Variants in MTHFD1 observed in about 807,000 individuals in gnomAD.
MTHFD1 encodes C-1-tetrahydrofolate synthase, cytoplasmic.
A neutral mutation model predicts 110.3 loss-of-function variants in MTHFD1; 44 were observed. The ratio of observed to expected loss-of-function variants is 0.40; its 90% CI spans 0.31 to 0.51. The LOEUF (loss-of-function observed/expected upper bound fraction) is 0.51. Ranked by LOEUF, MTHFD1 falls within the 20% of genes least tolerant of loss-of-function variation. MTHFD1 has a pLI of 0.60. For synonymous variants in MTHFD1, 402 were observed against 428.8 expected, an observed-to-expected ratio of 0.94 and a Z score of 0.77; for missense variants, 909 against 1,173.1, an observed-to-expected ratio of 0.77 and a Z score of 3.29.
intron 11 of MTHFD1, among the ~76,000 whole-genome samples, chr14:64,426,671 A>G (rs928084987): frequency 2.6e-5 from 4 of 151,348 alleles, no homozygotes; most frequent in Admixed American, 6.6e-5. Context: ...GTGTTTCACT[A>G]TGTTGGCCAG....
At chr14:64,422,292 T>C (rs977404926) in intron 8 of MTHFD1, among the ~76,000 whole-genome samples, 4 of 152,134 alleles carry the variant, frequency 2.6e-5, no homozygotes, top group African/African-American at 9.6e-5. Flanking sequence ...AAGACTGATA[T>C]TTGCAAATGT....
rs534294478 is a variant in MTHFD1 at position 64,453,527 on chromosome 14, C to T, written c.2458-227C>T. Among the ~76,000 whole-genome samples the T allele has an allele frequency of 4.6e-5, 7 of 152,180 alleles. No homozygotes were observed. In the East Asian group the frequency reaches 5.8e-4, roughly 13 times the overall value. ...CAGGGGTTACAGTGAACTGAGATCG[C>T]GCCATTGCACTCCAGCCTGGCAACA... On this transcript the variant is annotated intron_variant, in intron 24 of 27. Coordinates refer to ENST00000652337, the MANE Select transcript of MTHFD1 (RefSeq NM_005956.4).
intron 12 of MTHFD1, among the ~76,000 whole-genome samples, chr14:64,429,272 G>GTATATATATATATATAT (rs2078141156): frequency 1.4e-4 from 6 of 41,594 alleles, no homozygotes; most frequent in Non-Finnish European, 3.2e-4. Context: ...ATATATATCT[G>GTATATATATATATATAT]ATTTACATTT....
At position 64,409,090 on chromosome 14, in the gene MTHFD1, G is replaced by C. The variant is rs567646021; in HGVS notation, c.127-2000G>C. 1.4e-4 allele frequency among the ~76,000 whole-genome samples: 22 copies of C among 152,156 alleles called. 1 individual carries two copies. The highest frequency in any genetic ancestry group is 5.8e-4 in the East Asian group (3 of 5,188). Reference sequence around the variant, plus strand: ...CTTTCTGGAACTGGTTGTAGTTTTAGTGTTTTAGACAAACTCCTTCAGAAA... The same window carrying C: ...CTTTCTGGAACTGGTTGTAGTTTTACTGTTTTAGACAAACTCCTTCAGAAA... On this transcript the variant is annotated intron_variant, in intron 2 of 27. Coordinates refer to ENST00000652337, the MANE Select transcript of MTHFD1 (RefSeq NM_005956.4).
At chr14:64,391,248 T>C (rs1382520970) in intron 1 of MTHFD1, among the ~76,000 whole-genome samples, 1 of 152,170 alleles carries the variant, frequency 6.6e-6, no homozygotes, top group East Asian at 1.9e-4. Flanking sequence ...CACTGTAACC[T>C]CCACTTCCTG....
intron 3 of MTHFD1, among the ~76,000 whole-genome samples, chr14:64,411,441 C>G (rs1306232163): frequency 6.6e-6 from 1 of 152,088 alleles, no homozygotes; most frequent in Non-Finnish European, 1.5e-5. Flanking sequence ...AAGGACACAC[C>G]TGGGAGACAG....
chr14:64,445,303 A>G (rs1208640879), intron 22 of MTHFD1, among the ~76,000 whole-genome samples: 1 of 152,178 alleles, frequency 6.6e-6, no homozygotes, highest in African/African-American at 2.4e-5. Context: ...ATTTAAATCC[A>G]TATTAACGGG....
At chr14:64,444,835 G>T in intron 22 of MTHFD1, 101 bp downstream of exon 22, 1 of 1,330,308 alleles carries the variant, frequency 7.5e-7, no homozygotes, top group Non-Finnish European at 1.1e-6. Flanking sequence ...TTATTGCTGT[G>T]ACCCAGGGTG....
At chr14:64,427,502 G>A (rs770893166) in intron 12 of MTHFD1, 29 bp downstream of exon 12, 2 of 1,613,124 alleles carry the variant, frequency 1.2e-6, no homozygotes, top group South Asian at 1.1e-5. Flanking sequence ...CATGGGTGGT[G>A]ACAGGGGACC....
At chr14:64,421,776 A>G (rs1487973849) in intron 8 of MTHFD1, among the ~76,000 whole-genome samples, 3 of 151,956 alleles carry the variant, frequency 2.0e-5, no homozygotes, top group Non-Finnish European at 4.4e-5. Context: ...GGCGCCCGCC[A>G]CCACGCCCGG....
chr14:64,397,141 ATAT>A (rs2077859212), intron 1 of MTHFD1, among the ~76,000 whole-genome samples: 1 of 1,686 alleles, frequency 5.9e-4, no homozygotes, highest in Non-Finnish European at 1.7e-3. Context: ...AAAAAAAAAT[ATAT>A]ATATATATAT....
chr14:64,438,618 CTA>C (rs1438971983), intron 16 of MTHFD1, among the ~76,000 whole-genome samples: 1 of 152,124 alleles, frequency 6.6e-6, no homozygotes, highest in East Asian at 1.9e-4. Flanking sequence ...GCTAAGTGTG[CTA>C]TGTTTCCTAA....
chr14:64,401,078 C>T (rs1303282188), intron 2 of MTHFD1, among the ~76,000 whole-genome samples: 2 of 152,022 alleles, frequency 1.3e-5, no homozygotes, highest in African/African-American at 2.4e-5. Context: ...TCTGTGGATA[C>T]CCTTTCTCTA....
intron 2 of MTHFD1, among the ~76,000 whole-genome samples, chr14:64,408,510 A>AAC (rs1251344427): frequency 6.6e-6 from 1 of 152,104 alleles, no homozygotes; most frequent in Non-Finnish European, 1.5e-5. Context: ...GCTAGTCTCG[A>AAC]ACTCCTGACC....
intron 16 of MTHFD1, among the ~76,000 whole-genome samples, chr14:64,437,014 G>A (rs2078211090): frequency 6.6e-6 from 1 of 152,014 alleles, no homozygotes; most frequent in Non-Finnish European, 1.5e-5. Flanking sequence ...GTGTCTGATT[G>A]CTATATAAGA....
chr14:64,436,888 C>A (rs1283375331), intron 16 of MTHFD1, among the ~76,000 whole-genome samples: 1 of 152,142 alleles, frequency 6.6e-6, no homozygotes. Context: ...GGCAGTCATA[C>A]CTATTGACTA....
At chr14:64,427,560 G>A (rs2078127478) in intron 12 of MTHFD1, 87 bp downstream of exon 12, 1 of 1,333,770 alleles carries the variant, frequency 7.5e-7, no homozygotes. Flanking sequence ...TGATACTTAT[G>A]GGGTCTTCAA....
chr14:64,435,796 A>T (rs943427733), intron 16 of MTHFD1, 125 bp downstream of exon 16: 2 of 713,238 alleles, frequency 2.8e-6, no homozygotes, highest in Non-Finnish European at 5.2e-6. Context: ...CTAAGGCATG[A>T]CCAAGATGGT....
rs2078199268 is a variant in MTHFD1 at position 64,435,493 on chromosome 14, G to C, written c.1495-76G>C. Reference sequence around the variant, plus strand: ...TAGAGGGGATCCCATTTAGAGGTAGGGGTCAAAATTTTTGTCTTACGTTTA... The same window carrying C: ...TAGAGGGGATCCCATTTAGAGGTAGCGGTCAAAATTTTTGTCTTACGTTTA... On this transcript the variant is annotated intron_variant, in intron 15 of 27. Transcript: ENST00000652337. 8 of 898,206 alleles carry C rather than the reference G, an allele frequency of 8.9e-6. No individual in the cohort carries two copies. The Admixed American group carries it at 1.2e-4, about 13-fold the overall frequency. The allele number at this position is 898,206 out of a possible 1,614,324, so 55.6% of individuals were successfully genotyped here.
Sources: gnomAD v4.1 joint callset for allele counts (sites outside exome capture counted in the v4.1 genomes callset) on GRCh38, gnomAD v4.1.1 for gene constraint, MANE v1.5 for transcripts, NCBI Gene and HGNC (gene_info 2026-07-23, HGNC 2026-07-21) for gene names.